ZBTB16: variants seen among roughly 807,000 people sequenced by gnomAD.
ZBTB16 encodes the protein zinc finger and BTB domain-containing protein 16.
In ZBTB16, 8 loss-of-function variants were observed where a neutral mutation model predicts 56.8. The observed-to-expected ratio is 0.14, with a 90% confidence interval of 0.08 to 0.25. The LOEUF (loss-of-function observed/expected upper bound fraction) is 0.25, where lower values mean the gene tolerates loss of function less well. ZBTB16 is among the 10% of genes least tolerant of loss of function. The probability of loss-of-function intolerance (pLI) is 1.00; values close to 1 mark genes in which losing one functional copy is unlikely to be tolerated. For missense variants in ZBTB16, 625 were observed against 903.0 expected (o/e 0.69, Z 3.95); for synonymous variants, 363 against 368.5 (o/e 0.98, Z 0.17).
intron 4 of ZBTB16, among the ~76,000 whole-genome samples, chr11:114,192,989 C>T (rs529966691): frequency 3.3e-5 from 5 of 152,168 alleles, no homozygotes; most frequent in African/African-American, 9.7e-5. Flanking sequence ...TAGGCGGACC[C>T]CAGACATATG....
intron 4 of ZBTB16, among the ~76,000 whole-genome samples, chr11:114,241,349 A>G (rs935855064): frequency 1.3e-5 from 2 of 151,708 alleles, no homozygotes; most frequent in African/African-American, 2.4e-5. Flanking sequence ...GGAGTCCCCA[A>G]CCCCCGGGCC....
intron 4 of ZBTB16, among the ~76,000 whole-genome samples, chr11:114,236,642 T>G (rs1423340205): frequency 2.0e-5 from 3 of 152,312 alleles, no homozygotes; most frequent in South Asian, 4.1e-4. Context: ...AGTCTGAACT[T>G]TCCTCATCCC....
At chr11:114,247,818 G>T (rs1326472069) in intron 6 of ZBTB16, among the ~76,000 whole-genome samples, 1 of 152,126 alleles carries the variant, frequency 6.6e-6, no homozygotes, top group Non-Finnish European at 1.5e-5. Flanking sequence ...AAGTTAGATT[G>T]TGTTTGGTTC....
intron 3 of ZBTB16, among the ~76,000 whole-genome samples, chr11:114,165,109 A>G (rs535744923): frequency 6.3e-4 from 95 of 151,792 alleles, no homozygotes; most frequent in African/African-American, 2.1e-3. Flanking sequence ...CCACCACCTC[A>G]AAGTTTTTTT....
At chr11:114,103,394 A>T (rs1940681688) in intron 2 of ZBTB16, among the ~76,000 whole-genome samples, 1 of 152,208 alleles carries the variant, frequency 6.6e-6, no homozygotes, top group African/African-American at 2.4e-5. Flanking sequence ...ACCCTGCTTA[A>T]AAACTTTTTC....
At chr11:114,138,234 T>C (rs1941848227) in intron 2 of ZBTB16, among the ~76,000 whole-genome samples, 1 of 152,140 alleles carries the variant, frequency 6.6e-6, no homozygotes, top group African/African-American at 2.4e-5. Context: ...ATTCATATTA[T>C]TCATATTTCG....
At position 114,064,098 on chromosome 11, in the gene ZBTB16, A is replaced by G. The variant is rs1439113765; in HGVS notation, c.798A>G (p.Gly266=). 6.2e-7 allele frequency: 1 copy of G among 1,613,794 alleles called. No individual in the cohort carries two copies. Among genetic ancestry groups the G allele is most frequent in the Non-Finnish European group, 8.5e-7 (1 of 1,179,970 alleles). The part of the protein sequence containing the change: ...SPGAAESSIS[G]GMGDKVEERG... ...GGGCAGCCGAGTCCAGCATCTCAGG[A>G]GGGATGGGGGACAAGGTTGAGGAAA... is the stretch of plus-strand genomic sequence containing the variant. The change falls in exon 2 of 7, where the codon GGA becomes GGG. Residue 266 remains glycine (G), a synonymous_variant. Coordinates refer to ENST00000335953, the MANE Select transcript of ZBTB16 (RefSeq NM_006006.6). This position sits in a 1 kb window ranked among gnomAD's most constrained non-coding sequence, Gnocchi z 4.2.
chr11:114,215,032 T>C (rs184788834), intron 4 of ZBTB16, among the ~76,000 whole-genome samples: 34 of 151,878 alleles, frequency 2.2e-4, no homozygotes, highest in Admixed American at 7.9e-4. Context: ...TTCTTTAATA[T>C]AAAGATTTCT....
chr11:114,069,557 A>G (rs1438118453), intron 2 of ZBTB16, among the ~76,000 whole-genome samples: 1 of 152,226 alleles, frequency 6.6e-6, no homozygotes, highest in African/African-American at 2.4e-5. Context: ...GGTCTCTCTC[A>G]GATGGTCAGC....
intron 2 of ZBTB16, chr11:114,121,966 C>A (rs1941359059): frequency 2.7e-6 from 1 of 371,920 alleles, no homozygotes; most frequent in South Asian, 2.0e-5. Flanking sequence ...TCCTGAGTCC[C>A]AAGTCCACAG....
intron 4 of ZBTB16, among the ~76,000 whole-genome samples, chr11:114,192,957 G>A (rs1344129528): frequency 6.6e-6 from 1 of 152,226 alleles, no homozygotes; most frequent in Non-Finnish European, 1.5e-5. Context: ...CCCGAGGGAT[G>A]AGCAGCTGTG....
chr11:114,083,990 C>T (rs190348710), intron 2 of ZBTB16, among the ~76,000 whole-genome samples: 45 of 152,222 alleles, frequency 3.0e-4, no homozygotes, highest in African/African-American at 1.0e-3. Context: ...GATTATATTT[C>T]GTGACATAAC....
intron 2 of ZBTB16, among the ~76,000 whole-genome samples, chr11:114,125,369 A>G (rs146336520): frequency 2.1e-3 from 314 of 152,238 alleles, no homozygotes; most frequent in African/African-American, 6.1e-3. Context: ...TTCCTGATCT[A>G]TGTAACCGTA....
chr11:114,118,810 T>C (rs1941254212), intron 2 of ZBTB16, among the ~76,000 whole-genome samples: 1 of 152,028 alleles, frequency 6.6e-6, no homozygotes, highest in Non-Finnish European at 1.5e-5. Flanking sequence ...AAAAGGAGGG[T>C]TGCGTCTCTG....
At position 114,060,953 on chromosome 11, in the gene ZBTB16, G is replaced by A. The variant is rs1938824672; in HGVS notation, c.-91+1071G>A. On this transcript the variant is annotated intron_variant, in intron 1 of 6. Coordinates refer to ENST00000335953, the MANE Select transcript of ZBTB16 (RefSeq NM_006006.6). The surrounding 1 kb of genome is among the most constrained non-coding windows in gnomAD (Gnocchi z 6.0). ...CTTTTGTGCTTCCCCTTCGCCGCGGGGCGGGTCCGCCTCCCCTGCCGCTCT... is the reference window on the plus strand; with the variant it reads ...CTTTTGTGCTTCCCCTTCGCCGCGGAGCGGGTCCGCCTCCCCTGCCGCTCT... Among the ~76,000 whole-genome samples, 1 of 152,136 alleles carries A rather than the reference G, an allele frequency of 6.6e-6. No individual in the cohort carries two copies. The highest frequency in any genetic ancestry group is 2.4e-5 in the African/African-American group (1 of 41,448).
chr11:114,088,222 G>T (rs530742398), intron 2 of ZBTB16, among the ~76,000 whole-genome samples: 2 of 147,996 alleles, frequency 1.4e-5, no homozygotes, highest in African/African-American at 5.0e-5. Context: ...GCTCACTGCA[G>T]CCTCTGCCTC....
At chr11:114,220,601 G>A (rs1944210420) in intron 4 of ZBTB16, among the ~76,000 whole-genome samples, 1 of 152,354 alleles carries the variant, frequency 6.6e-6, no homozygotes, top group East Asian at 1.9e-4. Flanking sequence ...GGCAGGGACT[G>A]TGTCAGTCTG....
chr11:114,110,282 G>A (rs1421807738), intron 2 of ZBTB16, among the ~76,000 whole-genome samples: 1 of 152,188 alleles, frequency 6.6e-6, no homozygotes, highest in Admixed American at 6.5e-5. Context: ...TCACAGAGCA[G>A]TCTTCTGTGG....
At chr11:114,159,008 G>A (rs1030642836) in intron 3 of ZBTB16, among the ~76,000 whole-genome samples, 4 of 152,242 alleles carry the variant, frequency 2.6e-5, no homozygotes, top group African/African-American at 4.8e-5. Flanking sequence ...TCCAGGCGGT[G>A]TGACCCAGTG....
Sources: gnomAD v4.1 joint callset for allele counts (sites outside exome capture counted in the v4.1 genomes callset) on GRCh38, gnomAD v4.1.1 for gene constraint, Gnocchi (gnomAD v3.1) non-coding constraint, MANE v1.5 for transcripts, NCBI Gene and HGNC (gene_info 2026-07-23, HGNC 2026-07-21) for gene names.